ZNF766: variants seen among roughly 807,000 people sequenced by gnomAD.
The protein encoded by ZNF766 is zinc finger protein 766.
Under a neutral mutation model 13.2 loss-of-function variants are expected in ZNF766, and 13 were observed. The observed-to-expected ratio is 0.98, with a 90% CI of 0.64 to 1.56. The LOEUF (loss-of-function observed/expected upper bound fraction) is 1.56. ZNF766 is among the 40% of genes most tolerant of loss of function. ZNF766 has a pLI of 0.00. For synonymous variants in ZNF766, 178 were observed against 187.6 expected (o/e 0.95, Z 0.42); for missense variants, 521 against 552.2 (o/e 0.94, Z 0.57).
At chr19:52,282,024 A>G in intron 1 of ZNF766, 87 bp from the exon 2 acceptor site, 1 of 1,501,438 alleles carries the variant, frequency 6.7e-7, no homozygotes, top group Non-Finnish European at 9.1e-7. Flanking sequence ...ACTTCAGTTG[A>G]GTCAGTCCTT....
rs868285598 is a variant in ZNF766, at chr19:52,292,931, C to T, written c.*1733C>T. 8 of 152,070 alleles carry T rather than the reference C, an allele frequency of 5.3e-5. No homozygotes were observed. The highest frequency in any genetic ancestry group is 1.9e-4 in the African/African-American group (8 of 41,394). The allele number at this position is 152,070 out of a possible 1,614,324, so 9.4% of individuals were successfully genotyped here. ...GCTGCACCCATCAACTTGTCATTTA[C>T]GTTAGATATTTCTCCTAATGTTATC... On this transcript the variant is annotated 3_prime_UTR_variant, in exon 4 of 4. Coordinates refer to ENST00000439461, the MANE Select transcript of ZNF766 (RefSeq NM_001010851.3).
chr19:52,270,490 T>C (rs984109795), intron 1 of ZNF766, among the ~76,000 whole-genome samples: 29 of 151,534 alleles, frequency 1.9e-4, no homozygotes, highest in Non-Finnish European at 2.9e-5. Context: ...AGCGGGAGGC[T>C]CCTCAGACAA....
chr19:52,282,791 T>C (rs1600199594), intron 2 of ZNF766, among the ~76,000 whole-genome samples: 1 of 152,200 alleles, frequency 6.6e-6, no homozygotes, highest in Admixed American at 6.5e-5. Context: ...TGACAAACTT[T>C]TAAAATATCC....
At chr19:52,289,728 C>T (rs191234023) in intron 3 of ZNF766, among the ~76,000 whole-genome samples, 113 of 152,186 alleles carry the variant, frequency 7.4e-4, no homozygotes, top group Admixed American at 1.8e-3. Context: ...AGTCCGGGCG[C>T]GGTGGCTCAC....
chr19:52,287,192 G>T (rs1981875684), intron 3 of ZNF766, among the ~76,000 whole-genome samples: 1 of 151,222 alleles, frequency 6.6e-6, no homozygotes, highest in East Asian at 2.0e-4. Flanking sequence ...GCCCAGGCTG[G>T]AATGCAGTGG....
In ZNF766 at chr19:52,290,208, C is replaced by A; in HGVS notation, c.417C>A (p.Phe139Leu). 1 of 1,614,000 alleles carries A rather than the reference C, an allele frequency of 6.2e-7. No individual in the cohort carries two copies. The highest frequency in any genetic ancestry group is 1.1e-5 in the South Asian group (1 of 91,080). Reference protein sequence around the residue: ...KIYECNQVQKFISHSSSVSPL... With the variant: ...KIYECNQVQKLISHSSSVSPL... ...ATGAATGTAATCAAGTTCAAAAGTTCATCAGCCACAGTTCTTCAGTTTCGC... is the reference window on the plus strand; with the variant it reads ...ATGAATGTAATCAAGTTCAAAAGTTAATCAGCCACAGTTCTTCAGTTTCGC... Residue 139 changes from phenylalanine (F) to leucine (L), a missense_variant, in exon 4 of 4, where the codon TTC becomes TTA. Transcript: ENST00000439461.
At chr19:52,281,373 G>T in intron 1 of ZNF766, 1 of 251,732 alleles carries the variant, frequency 4.0e-6, no homozygotes. Context: ...ACAAAAATTA[G>T]CCAGGTATGG....
At chr19:52,289,243 C>T (rs191315550) in intron 3 of ZNF766, among the ~76,000 whole-genome samples, 4 of 150,482 alleles carry the variant, frequency 2.7e-5, no homozygotes, top group East Asian at 4.0e-4. Context: ...CTCTGCCTGC[C>T]GGGTTCAAGC....
At chr19:52,276,967 T>C (rs1011072024) in intron 1 of ZNF766, among the ~76,000 whole-genome samples, 1 of 152,152 alleles carries the variant, frequency 6.6e-6, no homozygotes, top group South Asian at 2.1e-4. Context: ...GAGCGGGTTC[T>C]GAAGAAAGGG....
rs533030252 is a variant in ZNF766, at chr19:52,287,046, G to C, written c.275-3020G>C. On this transcript the variant is annotated intron_variant, in intron 3 of 3. Transcript: ENST00000439461. ...GACAGTGTTTCACTATGTTGGCCAA[G>C]CTGGTCTCGAACTCCTGACCTCAGG... Among the ~76,000 whole-genome samples the C allele has an allele frequency of 9.0e-4, 137 of 152,144 alleles. No homozygotes were observed. The South Asian group carries it at 0.014, about 16-fold the overall frequency.
chr19:52,281,385 G>A (rs1981507048), intron 1 of ZNF766: 1 of 261,302 alleles, frequency 3.8e-6, no homozygotes, highest in Non-Finnish European at 7.5e-6. Context: ...CAGGTATGGT[G>A]GTGCGTGCCT....
chr19:52,291,092 C>T lies in ZNF766; in HGVS notation c.1301C>T (p.Thr434Ile), dbSNP rs1982120772. The T allele has an allele frequency of 6.2e-7, 1 of 1,614,036 alleles. No individual in the cohort carries two copies. The highest frequency in any genetic ancestry group is 1.3e-5 in the African/African-American group (1 of 74,930). Residue 434 changes from threonine (T) to isoleucine (I), a missense_variant, in exon 4 of 4, where the codon ACT becomes ATT. By Grantham distance (89) the Thr-to-Ile change is moderately conservative. Transcript: ENST00000439461. Reference sequence around the variant, plus strand: ...CTTGCAAATCATCAGAGAATCCACACTGGAGAGAAACCTTACAAATGCCAT... The same window carrying T: ...CTTGCAAATCATCAGAGAATCCACATTGGAGAGAAACCTTACAAATGCCAT... ...SHLANHQRIH[T>I]GEKPYKCHVC...
At chr19:52,275,159 T>C (rs1352601392) in intron 1 of ZNF766, among the ~76,000 whole-genome samples, 1 of 152,170 alleles carries the variant, frequency 6.6e-6, no homozygotes, top group Non-Finnish European at 1.5e-5. Context: ...AGGAGGACTT[T>C]CTGGTGGGAG....
At chr19:52,271,916 A>G (rs8107325) in intron 1 of ZNF766, among the ~76,000 whole-genome samples, 27,604 of 134,256 alleles carry the variant, frequency 0.21, 2,855 homozygotes, top group Middle Eastern at 0.31. Flanking sequence ...GCCGAGATGG[A>G]GGTTGTAGTG....
intron 1 of ZNF766, among the ~76,000 whole-genome samples, chr19:52,273,935 C>T (rs1490391504): frequency 6.6e-6 from 1 of 152,212 alleles, no homozygotes; most frequent in Non-Finnish European, 1.5e-5. Flanking sequence ...AGGTTGGGCC[C>T]AGCCTTAATA....
chr19:52,269,674 C>T lies in ZNF766; in HGVS notation c.18+43C>T, dbSNP rs374599585. 11 of 1,610,548 alleles carry T rather than the reference C, an allele frequency of 6.8e-6. No homozygotes were observed. In the African/African-American group the frequency reaches 1.2e-4, roughly 18 times the overall value. On this transcript the variant is annotated intron_variant, in intron 1 of 3. Coordinates refer to ENST00000439461, the MANE Select transcript of ZNF766 (RefSeq NM_001010851.3). The stretch of plus-strand genomic sequence containing the variant: ...TAGATTAAGTGTTCGCTTAGCGGTG[C>T]CCTCACGCTTCTGTACCCGGGATGT...
chr19:52,277,128 C>G (rs759771618), intron 1 of ZNF766: 52 of 1,053,948 alleles, frequency 4.9e-5, no homozygotes, highest in Non-Finnish European at 6.0e-5. Flanking sequence ...ATTCTAAACC[C>G]TAAACAGCAT....
intron 1 of ZNF766, among the ~76,000 whole-genome samples, chr19:52,277,946 A>G (rs1403689241): frequency 2.0e-5 from 3 of 151,718 alleles, no homozygotes; most frequent in Admixed American, 6.6e-5. Flanking sequence ...AAATTCTGCA[A>G]TAAAAATTCA....
chr19:52,270,628 G>A (rs1259573509), intron 1 of ZNF766, among the ~76,000 whole-genome samples: 1 of 152,036 alleles, frequency 6.6e-6, no homozygotes, highest in Non-Finnish European at 1.5e-5. Flanking sequence ...GGGGTTGCCA[G>A]ACAGTAGGGA....
Sources: gnomAD v4.1 joint callset for allele counts (sites outside exome capture counted in the v4.1 genomes callset) on GRCh38, gnomAD v4.1.1 for gene constraint, MANE v1.5 for transcripts, NCBI Gene and HGNC (gene_info 2026-07-23, HGNC 2026-07-21) for gene names.